STMN3: variants seen among roughly 807,000 people sequenced by gnomAD.
STMN3 encodes stathmin 3, also known as stathmin-3.
A neutral mutation model predicts 23.2 loss-of-function variants in STMN3; 24 were observed. The observed-to-expected ratio is 1.03, with a 90% confidence interval of 0.75 to 1.45. STMN3 has a LOEUF of 1.45. STMN3 is among the 40% of genes most tolerant of loss of function. The probability of loss-of-function intolerance (pLI) is 0.00; values close to 1 mark genes in which losing one functional copy is unlikely to be tolerated. For synonymous variants in STMN3, 117 were observed against 103.4 expected, an observed-to-expected ratio of 1.13 and a Z score of -0.80; for missense variants, 235 against 237.6, an observed-to-expected ratio of 0.99 and a Z score of 0.07.
rs1391583699 is a variant in STMN3, at chr20:63,640,855, C to T, written c.*483G>A. ...AAGCACCGGCTGCACACGCAGGCTC[C>T]CAGGCACCATCACCCCCCTCCCCCG... On this transcript the variant is annotated 3_prime_UTR_variant, in exon 5 of 5. Coordinates refer to ENST00000370053, the MANE Select transcript of STMN3 (RefSeq NM_015894.4). 8 of 244,496 alleles carry T rather than the reference C, an allele frequency of 3.3e-5. No homozygotes were observed. Among genetic ancestry groups the T allele is most frequent in the African/African-American group, 1.9e-4 (8 of 42,486 alleles). 15.1% of individuals were successfully genotyped at this position (244,496 alleles called of 1,614,324 possible). A position where few individuals can be genotyped will look rare whatever the true frequency, so the allele number is the denominator to read the frequency against.
At position 63,644,211 on chromosome 20, in the gene STMN3, C is replaced by A; in HGVS notation, c.115+3G>T. The A allele has an allele frequency of 6.2e-7, 1 of 1,611,716 alleles. No individual in the cohort carries two copies. The highest frequency in any genetic ancestry group is 1.1e-5 in the South Asian group (1 of 91,028). On this transcript the variant is annotated splice_donor_region_variant and intron_variant, in intron 2 of 4. Coordinates refer to ENST00000370053, the MANE Select transcript of STMN3 (RefSeq NM_015894.4). ...GAAGGGCAGGCGGCAGCCAGGCACTCACCCCCGTACTGGTAGACGGTATTG... is the reference window on the plus strand; with the variant it reads ...GAAGGGCAGGCGGCAGCCAGGCACTAACCCCCGTACTGGTAGACGGTATTG...
chr20:63,640,880 G>A lies in STMN3; in HGVS notation c.*458C>T, dbSNP rs893968655. 104 of 230,888 alleles carry A rather than the reference G, an allele frequency of 4.5e-4. No individual in the cohort carries two copies. The highest frequency in any genetic ancestry group is 8.2e-4 in the Non-Finnish European group (94 of 115,290). 14.3% of individuals were successfully genotyped at this position (230,888 alleles called of 1,614,324 possible). A position where few individuals can be genotyped will look rare whatever the true frequency, so the allele number is the denominator to read the frequency against. ...CCAGGCACCATCACCCCCCTCCCCC[G>A]TCGCCCCTCCCTCATGGGGAGCCCC... On this transcript the variant is annotated 3_prime_UTR_variant, in exon 5 of 5. Coordinates refer to ENST00000370053, the MANE Select transcript of STMN3 (RefSeq NM_015894.4).
At chr20:63,644,180 C>G in intron 2 of STMN3, 34 bp downstream of exon 2, 2 of 1,583,504 alleles carry the variant, frequency 1.3e-6, no homozygotes, top group South Asian at 1.1e-5. Context: ...GGGCAGGCAC[C>G]GCAGGGAAGG....
rs976016018 is a variant in STMN3 at position 63,640,456 on chromosome 20, G to A, written c.*882C>T. 4 of 152,344 alleles carry A rather than the reference G, an allele frequency of 2.6e-5. No homozygotes were observed. The highest frequency in any genetic ancestry group is 7.3e-5 in the African/African-American group (3 of 41,284). 9.4% of individuals were successfully genotyped at this position (152,344 alleles called of 1,614,324 possible). On this transcript the variant is annotated 3_prime_UTR_variant, in exon 5 of 5. Transcript: ENST00000370053. ...AAAATCCCCCTTGGGGCTCCCTGAG[G>A]AGGACTTGTGGCTGCCGCTTCCACC... is the stretch of plus-strand genomic sequence containing the variant.
At position 63,641,166 on chromosome 20, in the gene STMN3, A is replaced by C. The variant is rs1339934506; in HGVS notation, c.*172T>G. The C allele has an allele frequency of 1.5e-6, 1 of 679,274 alleles. No homozygotes were observed. 42.1% of individuals were successfully genotyped at this position (679,274 alleles called of 1,614,324 possible). On this transcript the variant is annotated 3_prime_UTR_variant, in exon 5 of 5. Coordinates refer to ENST00000370053, the MANE Select transcript of STMN3 (RefSeq NM_015894.4). ...GGCTCCTGCAGGGGAAGCCGTGGTC[A>C]GCGACTCACCACGAGGACAGGGCAG... is the stretch of plus-strand genomic sequence containing the variant.
rs376901485 is a variant in STMN3 at position 63,651,832 on chromosome 20, A to C, written c.19+1495T>G. 2.0e-4 allele frequency among the ~76,000 whole-genome samples: 30 copies of C among 152,306 alleles called. No homozygotes were observed. In the East Asian group the frequency reaches 5.6e-3, roughly 28 times the overall value. On this transcript the variant is annotated intron_variant, in intron 1 of 4. Coordinates refer to ENST00000370053, the MANE Select transcript of STMN3 (RefSeq NM_015894.4). ...GAAGGAGAATGTGAGCAGAGGCCAC[A>C]AAAGAGCGAGGAGCCAGTGCCCAGA...
chr20:63,653,016 C>G (rs2089872574), intron 1 of STMN3, among the ~76,000 whole-genome samples: 1 of 151,958 alleles, frequency 6.6e-6, no homozygotes. Flanking sequence ...GTCGCGAGCC[C>G]ACGCCCGGGT....
intron 1 of STMN3, among the ~76,000 whole-genome samples, chr20:63,650,225 C>G (rs561745070): frequency 6.6e-6 from 1 of 152,280 alleles, no homozygotes; most frequent in South Asian, 2.1e-4. Context: ...ACCATCCTTC[C>G]CCTTCACTGA....
At chr20:63,645,915 C>T (rs1038404059) in intron 1 of STMN3, among the ~76,000 whole-genome samples, 7 of 151,898 alleles carry the variant, frequency 4.6e-5, no homozygotes, top group Admixed American at 1.3e-4. Context: ...GTCGCGCCAT[C>T]GCACTCCAGC....
Position 63,644,234 on chromosome 20 carries a change from T to C in STMN3, c.95A>G (p.Asn32Ser), listed in dbSNP as rs1259958971. Reference protein sequence around the residue: ...CSCFYTQPHPNTVYQYGDMEV... With the variant: ...CSCFYTQPHPSTVYQYGDMEV... ...CTCACCCCCGTACTGGTAGACGGTA[T>C]TGGGGTGCGGCTGTGTGTAGAAGCA... The change falls in exon 2 of 5, where the codon AAT (asparagine) becomes AGT (serine). Residue 32 changes from asparagine to serine, a missense_variant. Coordinates refer to ENST00000370053, the MANE Select transcript of STMN3 (RefSeq NM_015894.4). 3 of 1,613,192 alleles carry C rather than the reference T, an allele frequency of 1.9e-6. No homozygotes were observed. Among genetic ancestry groups the C allele is most frequent in the Admixed American group, 1.7e-5 (1 of 59,996 alleles).
At chr20:63,650,831 C>T (rs111486665) in intron 1 of STMN3, among the ~76,000 whole-genome samples, 32 of 117,064 alleles carry the variant, frequency 2.7e-4, no homozygotes, top group East Asian at 8.6e-4. Context: ...CCTCCCGCCG[C>T]CCAGGTGGAT....
At chr20:63,641,429 CG>C (rs776604119) in intron 4 of STMN3, 32 bp from the exon 5 acceptor site, 12 of 1,312,948 alleles carry the variant, frequency 9.1e-6, no homozygotes, top group Non-Finnish European at 1.1e-5. Flanking sequence ...GGCCTGAGGG[CG>C]GGGGTGGCTT....
chr20:63,644,038 G>T, intron 2 of STMN3, 107 bp from the exon 3 acceptor site: 1 of 1,481,224 alleles, frequency 6.8e-7, no homozygotes, highest in Non-Finnish European at 9.1e-7. Flanking sequence ...GGCGAGAGGG[G>T]GTGGCTGCTC....
At chr20:63,653,193 G>C (rs1182399089) in intron 1 of STMN3, 134 bp downstream of exon 1, 44 of 1,173,380 alleles carry the variant, frequency 3.7e-5, no homozygotes, top group Non-Finnish European at 5.0e-5. Context: ...CGGGCGGGTC[G>C]GGCCCAGGCT....
In STMN3 at chr20:63,643,823, GGTGGGGAGGAGA is replaced by G; in HGVS notation, c.212_223del (p.Leu71_Pro74del). On this transcript the variant is annotated inframe_deletion, in exon 3 of 5. Transcript: ENST00000370053. ...CTCCAGGGAGGTGTCCTTCTTCTTG[GGTGGGGAGGAGA>G]GCATAGGGCTCTCTGGGGACAGGTC... 6.4e-7 allele frequency: 1 copy of G among 1,562,776 alleles called. No homozygotes were observed. The highest frequency in any genetic ancestry group is 1.2e-5 in the South Asian group (1 of 82,510).
In STMN3 at chr20:63,652,583, G is replaced by A. The variant is rs1433566886; in HGVS notation, c.19+744C>T. On this transcript the variant is annotated intron_variant, in intron 1 of 4. Coordinates refer to ENST00000370053, the MANE Select transcript of STMN3 (RefSeq NM_015894.4). This position sits in a 1 kb window ranked among gnomAD's most constrained non-coding sequence, Gnocchi z 5.3. The stretch of plus-strand genomic sequence containing the variant: ...CGGGGTGGGCGCTACCTTCGAAGGC[G>A]GTGGGTCCGCCCCGCGGGAGGTGGA... The A allele has an allele frequency of 5.1e-6, 5 of 985,262 alleles. No individual in the cohort carries two copies. Among genetic ancestry groups the A allele is most frequent in the Admixed American group, 6.1e-5 (1 of 16,270 alleles). 61.0% of individuals were successfully genotyped at this position (985,262 alleles called of 1,614,324 possible).
rs2089746218 is a variant in STMN3 at position 63,640,003 on chromosome 20, A to G, written c.*1335T>C. The G allele has an allele frequency of 6.6e-6, 1 of 152,474 alleles. No homozygotes were observed. The highest frequency in any genetic ancestry group is 2.4e-5 in the African/African-American group (1 of 41,364). 9.4% of individuals were successfully genotyped at this position (152,474 alleles called of 1,614,324 possible). On this transcript the variant is annotated 3_prime_UTR_variant, in exon 5 of 5. Transcript: ENST00000370053. ...ACCCCTGAGCCCTGCAGGGGTCAGGATCCTCCCGTGGTCCCTGGGTGTGAC... is the reference window on the plus strand; with the variant it reads ...ACCCCTGAGCCCTGCAGGGGTCAGGGTCCTCCCGTGGTCCCTGGGTGTGAC...
chr20:63,649,553 C>T (rs1445125059), intron 1 of STMN3, among the ~76,000 whole-genome samples: 5 of 152,074 alleles, frequency 3.3e-5, no homozygotes, highest in Admixed American at 6.5e-5. Flanking sequence ...TTTTTGGAGA[C>T]GGAGTCTCAC....
At chr20:63,642,427 G>T in intron 3 of STMN3, 128 bp from the exon 4 acceptor site, 1 of 396,188 alleles carries the variant, frequency 2.5e-6, no homozygotes, top group Non-Finnish European at 4.2e-6. Context: ...CCCAGGCCTC[G>T]GTGGGCGCCG....
Sources: allele counts gnomAD v4.1 joint callset (sites outside exome capture counted in the v4.1 genomes callset), GRCh38; gene constraint gnomAD v4.1.1; non-coding constraint Gnocchi (gnomAD v3.1); transcripts MANE v1.5; gene names NCBI Gene and HGNC (gene_info 2026-07-23, HGNC 2026-07-21).